PDZD2: variants seen among roughly 807,000 people sequenced by gnomAD.
PDZD2 encodes the protein PDZ domain containing 2.
A neutral mutation model predicts 220.7 loss-of-function variants in PDZD2; 90 were observed. The ratio of observed to expected loss-of-function variants is 0.41; its 90% CI spans 0.34 to 0.49. The LOEUF is 0.49. PDZD2 is among the 20% of genes least tolerant of loss of function. The pLI, the probability that PDZD2 is intolerant of heterozygous loss-of-function variation, is 0.28. For missense variants in PDZD2, 3,174 were observed against 3,608.5 expected, an observed-to-expected ratio of 0.88 and a Z score of 3.08; for synonymous variants, 1,375 against 1,450.5, an observed-to-expected ratio of 0.95 and a Z score of 1.18.
chr5:31,855,153 G>C (rs1758334430), intron 2 of PDZD2: 1 of 979,750 alleles, frequency 1.0e-6, no homozygotes, highest in Non-Finnish European at 1.2e-6. Context: ...CTCCGAAGGT[G>C]ACTTCAGAAC....
At chr5:31,806,806 C>T (rs1754741061) in intron 2 of PDZD2, among the ~76,000 whole-genome samples, 2 of 151,874 alleles carry the variant, frequency 1.3e-5, no homozygotes, top group African/African-American at 2.4e-5. Flanking sequence ...CCAAATTGGT[C>T]GCAAAATATG....
chr5:32,061,654 G>T (rs11745797), intron 14 of PDZD2, among the ~76,000 whole-genome samples: 8,202 of 152,140 alleles, frequency 0.054, 411 homozygotes, highest in East Asian at 0.23. Flanking sequence ...GACTCACACT[G>T]GTAATCCTAG....
At chr5:31,708,731 T>C (rs182497283) in intron 1 of PDZD2, among the ~76,000 whole-genome samples, 1 of 152,296 alleles carries the variant, frequency 6.6e-6, no homozygotes, top group Non-Finnish European at 1.5e-5. Context: ...GACTTTCACA[T>C]GGTATTGGGC....
chr5:31,649,630 G>T (rs1322517948), intron 1 of PDZD2, among the ~76,000 whole-genome samples: 1 of 152,028 alleles, frequency 6.6e-6, no homozygotes, highest in Non-Finnish European at 1.5e-5. Context: ...TTTCAAGGAA[G>T]AGGGTTTAAA....
chr5:31,989,996 A>G lies in PDZD2; in HGVS notation c.979-5580A>G, dbSNP rs570054672. ...TCTCTGGCCTTCTGTTTTCTCACCT[A>G]TAAACTGAGCATTTTGGTCTGATGA... On this transcript the variant is annotated intron_variant, in intron 3 of 24. Coordinates refer to ENST00000438447, the MANE Select transcript of PDZD2 (RefSeq NM_178140.4). Among the ~76,000 whole-genome samples the G allele has an allele frequency of 5.9e-5, 9 of 152,250 alleles. No individual in the cohort carries two copies. The South Asian group carries it at 1.2e-3, about 21-fold the overall frequency.
At chr5:32,056,280 G>A (rs953421627) in intron 10 of PDZD2, among the ~76,000 whole-genome samples, 1 of 152,114 alleles carries the variant, frequency 6.6e-6, no homozygotes, top group Non-Finnish European at 1.5e-5. Flanking sequence ...ACAAATGCAT[G>A]GGGCACAGCT....
intron 1 of PDZD2, among the ~76,000 whole-genome samples, chr5:31,788,621 G>A (rs899366976): frequency 2.6e-5 from 4 of 152,258 alleles, no homozygotes; most frequent in South Asian, 2.1e-4. Flanking sequence ...AGCCGAGATC[G>A]TGCCACTGCA....
At chr5:31,897,749 T>TA (rs1182574211) in intron 2 of PDZD2, among the ~76,000 whole-genome samples, 1 of 151,380 alleles carries the variant, frequency 6.6e-6, no homozygotes, top group Non-Finnish European at 1.5e-5. Context: ...TTGGCTTTTT[T>TA]TTTTTGAGAC....
intron 2 of PDZD2, among the ~76,000 whole-genome samples, chr5:31,811,324 C>T (rs1445805392): frequency 6.6e-6 from 1 of 152,142 alleles, no homozygotes; most frequent in Non-Finnish European, 1.5e-5. Flanking sequence ...TTATATGGAG[C>T]AACAATGTTG....
rs564849544 is a variant in PDZD2 at position 32,011,435 on chromosome 5, C to A, written c.1407+953C>A. Among the ~76,000 whole-genome samples, 169 of 152,096 alleles carry A rather than the reference C, an allele frequency of 1.1e-3. 3 individuals are homozygous for A. Among genetic ancestry groups the A allele is most frequent in the Non-Finnish European group, 3.1e-4 (21 of 67,986 alleles). On this transcript the variant is annotated intron_variant, in intron 6 of 24. Coordinates refer to ENST00000438447, the MANE Select transcript of PDZD2 (RefSeq NM_178140.4). Reference sequence around the variant, plus strand: ...GATCACTTGAGCCTGAGAGGTCAAGCCTTCAGTGAGCTGTGATCATGCCAC... The same window carrying A: ...GATCACTTGAGCCTGAGAGGTCAAGACTTCAGTGAGCTGTGATCATGCCAC...
At chr5:32,067,345 G>A (rs1313527045) in intron 14 of PDZD2, among the ~76,000 whole-genome samples, 1 of 152,140 alleles carries the variant, frequency 6.6e-6, no homozygotes. Context: ...TGCAAATGTT[G>A]AAAGTCTAGT....
intron 3 of PDZD2, among the ~76,000 whole-genome samples, chr5:31,989,348 T>C (rs1240936814): frequency 6.6e-6 from 1 of 152,140 alleles, no homozygotes; most frequent in African/African-American, 2.4e-5. Flanking sequence ...CCATCCATGT[T>C]GCTGCAAAAG....
chr5:31,803,264 T>A (rs2150233810), intron 2 of PDZD2, among the ~76,000 whole-genome samples: 1 of 135,434 alleles, frequency 7.4e-6, no homozygotes, highest in South Asian at 2.4e-4. Flanking sequence ...CATCTGGCTT[T>A]TTTTTTTTTT....
At chr5:31,683,944 A>C (rs949140169) in intron 1 of PDZD2, among the ~76,000 whole-genome samples, 1 of 151,924 alleles carries the variant, frequency 6.6e-6, no homozygotes, top group African/African-American at 2.4e-5. Context: ...AGTGTGGGAG[A>C]GCCATTTGCC....
chr5:31,827,307 C>T (rs943684229), intron 2 of PDZD2, among the ~76,000 whole-genome samples: 3 of 152,122 alleles, frequency 2.0e-5, no homozygotes, highest in South Asian at 2.1e-4. Context: ...GGCCTTTATC[C>T]GTGCCTTGGA....
intron 1 of PDZD2, among the ~76,000 whole-genome samples, chr5:31,758,551 C>T (rs2150184513): frequency 6.6e-6 from 1 of 152,254 alleles, no homozygotes; most frequent in African/African-American, 2.4e-5. Flanking sequence ...GCCGATGGGC[C>T]CCGGAAGATT....
At chr5:31,911,503 C>T (rs1743202417) in intron 2 of PDZD2, among the ~76,000 whole-genome samples, 1 of 152,242 alleles carries the variant, frequency 6.6e-6, no homozygotes, top group Non-Finnish European at 1.5e-5. Flanking sequence ...CACTGCATCG[C>T]CCCTGTCAGC....
intron 2 of PDZD2, among the ~76,000 whole-genome samples, chr5:31,845,320 A>T (rs1334191826): frequency 1.3e-5 from 2 of 152,336 alleles, no homozygotes; most frequent in East Asian, 3.9e-4. Context: ...AATCTCACGG[A>T]TAATCATTAT....
At chr5:31,755,024 T>C (rs747156416) in intron 1 of PDZD2, among the ~76,000 whole-genome samples, 10 of 152,128 alleles carry the variant, frequency 6.6e-5, no homozygotes, top group Non-Finnish European at 1.5e-4. Context: ...CAGAGAAGGA[T>C]GTTGATGTTG....
Sources: gnomAD v4.1 joint callset for allele counts (sites outside exome capture counted in the v4.1 genomes callset) on GRCh38, gnomAD v4.1.1 for gene constraint, MANE v1.5 for transcripts, NCBI Gene and HGNC (gene_info 2026-07-23, HGNC 2026-07-21) for gene names.